GAP43: variants seen among roughly 807,000 people sequenced by gnomAD.
GAP43 encodes neuromodulin.
Under a neutral mutation model 18.6 loss-of-function variants are expected in GAP43, and 6 were observed. The ratio of observed to expected loss-of-function variants is 0.32; its 90% CI spans 0.18 to 0.64. The LOEUF (loss-of-function observed/expected upper bound fraction) is 0.64. Among genes scored for constraint, GAP43 ranks in the 30% least tolerant of loss-of-function variants. The probability of loss-of-function intolerance (pLI) is 0.78; values close to 1 mark genes in which losing one functional copy is unlikely to be tolerated. For missense variants in GAP43, 292 were observed against 295.5 expected (o/e 0.99, Z 0.09); for synonymous variants, 115 against 111.4 (o/e 1.03, Z -0.20).
intron 1 of GAP43, among the ~76,000 whole-genome samples, chr3:115,630,677 G>C (rs1361241393): frequency 6.6e-6 from 1 of 152,140 alleles, no homozygotes; most frequent in Non-Finnish European, 1.5e-5. Flanking sequence ...ACCCTCACTT[G>C]ATATCTTGCT....
At chr3:115,641,464 A>G (rs1708394809) in intron 1 of GAP43, among the ~76,000 whole-genome samples, 1 of 148,546 alleles carries the variant, frequency 6.7e-6, no homozygotes, top group South Asian at 2.2e-4. Flanking sequence ...TAGAGAGAGA[A>G]AGAGTGCATT....
chr3:115,633,105 A>G (rs1274564629), intron 1 of GAP43, among the ~76,000 whole-genome samples: 1 of 152,160 alleles, frequency 6.6e-6, no homozygotes, highest in Non-Finnish European at 1.5e-5. Flanking sequence ...AATAACAGGA[A>G]TTCATAAACT....
At chr3:115,682,221 T>G (rs2107351692) in intron 2 of GAP43, among the ~76,000 whole-genome samples, 1 of 152,340 alleles carries the variant, frequency 6.6e-6, no homozygotes, top group East Asian at 1.9e-4. Context: ...AAGTACTGTT[T>G]TATTAGACCT....
rs545609678 is a variant in GAP43 at position 115,673,122 on chromosome 3, T to C, written c.31-2891T>C. Among the ~76,000 whole-genome samples the C allele has an allele frequency of 1.1e-4, 16 of 152,300 alleles. No homozygotes were observed. In the East Asian group the frequency reaches 2.9e-3, roughly 28 times the overall value. ...TTGTCTCACAATCTTGGCACCCTAG[T>C]CTAGTCTTAGCCTTTCTAAAAAGTC... On this transcript the variant is annotated intron_variant, in intron 1 of 2. Transcript: ENST00000305124.
intron 1 of GAP43, among the ~76,000 whole-genome samples, chr3:115,655,249 G>T (rs1293091615): frequency 2.6e-5 from 4 of 152,184 alleles, no homozygotes; most frequent in Non-Finnish European, 5.9e-5. Flanking sequence ...GAAGGGTCTG[G>T]CAGGGATCAG....
At chr3:115,697,010 G>A (rs1208235464) in intron 2 of GAP43, among the ~76,000 whole-genome samples, 5 of 151,548 alleles carry the variant, frequency 3.3e-5, no homozygotes, top group Admixed American at 6.6e-5. Flanking sequence ...TTGTAATTTT[G>A]TATTTTTGTA....
At chr3:115,685,137 G>A (rs1256636498) in intron 2 of GAP43, among the ~76,000 whole-genome samples, 1 of 152,166 alleles carries the variant, frequency 6.6e-6, no homozygotes, top group Admixed American at 6.5e-5. Flanking sequence ...AAAGTTTAGT[G>A]TTACTCAGGC....
intron 1 of GAP43, among the ~76,000 whole-genome samples, chr3:115,624,628 G>A (rs1708161868): frequency 1.3e-5 from 2 of 152,086 alleles, no homozygotes; most frequent in Non-Finnish European, 2.9e-5. Context: ...GCAAGAATCA[G>A]AGCCCCTCCT....
intron 1 of GAP43, among the ~76,000 whole-genome samples, chr3:115,637,050 C>T (rs950221601): frequency 6.6e-6 from 1 of 152,064 alleles, no homozygotes; most frequent in African/African-American, 2.4e-5. Context: ...GGGCCTAGCT[C>T]AATCTTGCCT....
At chr3:115,641,336 A>G (rs1294592791) in intron 1 of GAP43, among the ~76,000 whole-genome samples, 1 of 151,506 alleles carries the variant, frequency 6.6e-6, no homozygotes, top group Non-Finnish European at 1.5e-5. Flanking sequence ...CATATTGTCT[A>G]TGTGTGTGCG....
intron 2 of GAP43, among the ~76,000 whole-genome samples, chr3:115,715,593 C>A (rs186747178): frequency 6.6e-6 from 1 of 152,218 alleles, no homozygotes; most frequent in Non-Finnish European, 1.5e-5. Context: ...GTCTTTGACA[C>A]TCACCATGAT....
chr3:115,655,494 C>T (rs1708569639), intron 1 of GAP43, among the ~76,000 whole-genome samples: 1 of 152,140 alleles, frequency 6.6e-6, no homozygotes, highest in African/African-American at 2.4e-5. Context: ...TCTGTTATTA[C>T]AAATATGCAT....
chr3:115,640,438 A>T (rs915468878), intron 1 of GAP43, among the ~76,000 whole-genome samples: 1 of 151,996 alleles, frequency 6.6e-6, no homozygotes, highest in Admixed American at 6.6e-5. Flanking sequence ...AAGATAATTC[A>T]TTTGCTATTC....
rs550973040 is a variant in GAP43 at position 115,710,089 on chromosome 3, C to T, written c.629-10705C>T. Reference sequence around the variant, plus strand: ...TCCTGTGAGTTCACTGTAGCACCCACGGATTCATGTGTATGGTTTGAGAAC... The same window carrying T: ...TCCTGTGAGTTCACTGTAGCACCCATGGATTCATGTGTATGGTTTGAGAAC... On this transcript the variant is annotated intron_variant, in intron 2 of 2. Transcript: ENST00000305124. Among the ~76,000 whole-genome samples the T allele has an allele frequency of 5.9e-5, 9 of 152,190 alleles. No individual in the cohort carries two copies. The South Asian group carries it at 1.5e-3, about 25-fold the overall frequency.
rs1252333447 is a variant in GAP43 at position 115,683,147 on chromosome 3, G to GCGCACACA, written c.628+6538_628+6539insGCACACAC. Reference sequence around the variant, plus strand: ...TGTGCGCGCGCGTGCGCGCGCGCGCGCACACACACACACACACACACACAC... The same window carrying GCGCACACA: ...TGTGCGCGCGCGTGCGCGCGCGCGCGCGCACACACACACACACACACACACACACACAC... On this transcript the variant is annotated intron_variant, in intron 2 of 2. Coordinates refer to ENST00000305124, the MANE Select transcript of GAP43 (RefSeq NM_002045.4). 9.6e-3 allele frequency among the ~76,000 whole-genome samples: 1,222 copies of GCGCACACA among 127,388 alleles called. 6 individuals are homozygous for GCGCACACA. The highest frequency in any genetic ancestry group is 0.015 in the African/African-American group (494 of 33,092). 83.6% of individuals were successfully genotyped at this position (127,388 alleles called of 152,430 possible). A position where few individuals can be genotyped will look rare whatever the true frequency, so the allele number is the denominator to read the frequency against.
chr3:115,708,014 CAT>C (rs1290372832), intron 2 of GAP43, among the ~76,000 whole-genome samples: 9 of 26,180 alleles, frequency 3.4e-4, no homozygotes, highest in Non-Finnish European at 8.9e-4. Context: ...CACACACACA[CAT>C]ATATATATAC....
chr3:115,629,400 C>A (rs1222929789), intron 1 of GAP43, among the ~76,000 whole-genome samples: 1 of 138,882 alleles, frequency 7.2e-6, no homozygotes, highest in African/African-American at 2.6e-5. Context: ...TCCAACAGCC[C>A]CCCTGCTCTT....
At chr3:115,711,860 C>A (rs1435183532) in intron 2 of GAP43, among the ~76,000 whole-genome samples, 1 of 152,054 alleles carries the variant, frequency 6.6e-6, no homozygotes, top group East Asian at 1.9e-4. Flanking sequence ...TAATTTTTAA[C>A]CTTTAGAAGT....
chr3:115,626,142 T>A (rs1708185197), intron 1 of GAP43, among the ~76,000 whole-genome samples: 1 of 152,236 alleles, frequency 6.6e-6, no homozygotes, highest in Non-Finnish European at 1.5e-5. Context: ...GCAGGTTGCC[T>A]GCTTGTGGAT....
Sources: allele counts gnomAD v4.1 joint callset (sites outside exome capture counted in the v4.1 genomes callset), GRCh38; gene constraint gnomAD v4.1.1; transcripts MANE v1.5; gene names NCBI Gene and HGNC (gene_info 2026-07-23, HGNC 2026-07-21).